LGR6: variants seen among roughly 807,000 people sequenced by gnomAD.
LGR6 encodes leucine-rich repeat-containing G protein-coupled receptor 6.
LGR6 carries 45 observed loss-of-function variants against 69.4 expected under a neutral mutation model. The observed-to-expected ratio is 0.65, with a 90% CI of 0.51 to 0.83. The LOEUF is 0.83. Among genes scored for constraint, LGR6 ranks in the 40% least tolerant of loss-of-function variants. The pLI, the probability that LGR6 is intolerant of heterozygous loss-of-function variation, is 0.00. For synonymous variants in LGR6, 538 were observed against 555.0 expected (o/e 0.97, Z 0.43); for missense variants, 1,108 against 1,246.7 (o/e 0.89, Z 1.68).
At chr1:202,197,018 T>A in intron 1 of LGR6, 3 of 532,986 alleles carry the variant, frequency 5.6e-6, no homozygotes, top group South Asian at 4.2e-5. Flanking sequence ...CACTTGGACA[T>A]GCAGGAAGTA....
intron 6 of LGR6, among the ~76,000 whole-genome samples, chr1:202,281,291 T>A (rs995422975): frequency 6.6e-6 from 1 of 152,168 alleles, no homozygotes; most frequent in African/African-American, 2.4e-5. Flanking sequence ...AGAGTAATAC[T>A]GCAGAGTAAT....
At chr1:202,271,229 G>A (rs115323685) in intron 4 of LGR6, among the ~76,000 whole-genome samples, 3,413 of 152,258 alleles carry the variant, frequency 0.022, 49 homozygotes, top group Non-Finnish European at 0.034. Flanking sequence ...CCCAAGTGGA[G>A]GATTCTGCTG....
At position 202,305,781 on chromosome 1, in the gene LGR6, C is replaced by T. The variant is rs181740112; in HGVS notation, c.1136+32C>T. The T allele has an allele frequency of 2.3e-5, 37 of 1,592,814 alleles. 1 individual carries two copies. The highest frequency in any genetic ancestry group is 1.7e-4 in the Middle Eastern group (1 of 6,008). On this transcript the variant is annotated intron_variant, in intron 12 of 17. Coordinates refer to ENST00000367278, the MANE Select transcript of LGR6 (RefSeq NM_001017403.2). Reference sequence around the variant, plus strand: ...CTGGGGTAGGGAAGAGGCAAAAGCACGCCAGCCAGACCCTGAGCAAGTCCT... The same window carrying T: ...CTGGGGTAGGGAAGAGGCAAAAGCATGCCAGCCAGACCCTGAGCAAGTCCT...
rs1317575576 is a variant in LGR6, at chr1:202,318,446, C to T, written c.2143C>T (p.Pro715Ser). 4 of 1,612,604 alleles carry T rather than the reference C, an allele frequency of 2.5e-6. No homozygotes were observed. The East Asian group carries it at 6.7e-5, about 27-fold the overall frequency. ...LASVGEYGAS[P>S]LCLPYAPPEG... is the part of the protein sequence containing the mutation. ...CTCAGTGGGAGAATACGGGGCCTCC[C>T]CACTCTGCCTGCCCTACGCGCCACC... Residue 715 changes from proline (P) to serine (S), a missense_variant, in exon 18 of 18, where the codon CCA (proline) becomes TCA (serine). Coordinates refer to ENST00000367278, the MANE Select transcript of LGR6 (RefSeq NM_001017403.2).
intron 4 of LGR6, among the ~76,000 whole-genome samples, chr1:202,272,375 C>A (rs1665177091): frequency 6.6e-6 from 1 of 152,192 alleles, no homozygotes; most frequent in Non-Finnish European, 1.5e-5. Flanking sequence ...CCGATTTCTT[C>A]CATGTGCTCA....
chr1:202,196,374 A>G (rs1467743125), intron 1 of LGR6, among the ~76,000 whole-genome samples: 1 of 152,190 alleles, frequency 6.6e-6, no homozygotes, highest in Non-Finnish European at 1.5e-5. Flanking sequence ...CAGAAGAGCC[A>G]GGGTGGGGAA....
chr1:202,240,595 CT>C (rs1180042779), intron 4 of LGR6, among the ~76,000 whole-genome samples: 1 of 151,932 alleles, frequency 6.6e-6, no homozygotes, highest in Non-Finnish European at 1.5e-5. Context: ...GAGGGGAGGT[CT>C]GTAATCCATC....
At chr1:202,202,476 G>C (rs552631821) in intron 1 of LGR6, among the ~76,000 whole-genome samples, 1 of 152,322 alleles carries the variant, frequency 6.6e-6, no homozygotes, top group East Asian at 1.9e-4. Flanking sequence ...AGAAGAAAGA[G>C]TGCATGTTTG....
chr1:202,239,936 A>G (rs1006030241), intron 4 of LGR6, among the ~76,000 whole-genome samples: 1 of 152,354 alleles, frequency 6.6e-6, no homozygotes, highest in South Asian at 2.1e-4. Flanking sequence ...TTTTGTTGCT[A>G]CTTCTACAAT....
At chr1:202,221,819 G>A (rs994752644) in intron 1 of LGR6, among the ~76,000 whole-genome samples, 29 of 152,318 alleles carry the variant, frequency 1.9e-4, no homozygotes, top group African/African-American at 7.0e-4. Flanking sequence ...AGCACCCAAG[G>A]ATCAAGGTGT....
chr1:202,276,673 A>C, intron 5 of LGR6, 152 bp downstream of exon 5: 1 of 652,876 alleles, frequency 1.5e-6, no homozygotes, highest in Non-Finnish European at 2.6e-6. Flanking sequence ...CATGAGGATG[A>C]CCATTCCCTG....
rs943678959 is a variant in LGR6 at position 202,259,349 on chromosome 1, T to C, written c.429-16957T>C. ...ATAGAGCATGAAAATTATTTTTTAC[T>C]TGAAAGTTTGGAAAAATTTACTGAC... On this transcript the variant is annotated intron_variant, in intron 4 of 17. Transcript: ENST00000367278. Among the ~76,000 whole-genome samples the C allele has an allele frequency of 2.0e-5, 3 of 152,210 alleles. No homozygotes were observed. The East Asian group carries it at 5.8e-4, about 29-fold the overall frequency.
At chr1:202,304,394 G>A (rs981699007) in intron 10 of LGR6, among the ~76,000 whole-genome samples, 165 bp from the exon 11 acceptor site, 6 of 151,912 alleles carry the variant, frequency 3.9e-5, no homozygotes, top group African/African-American at 1.2e-4. Flanking sequence ...GTGTCTGCTC[G>A]TTTTTGTCCC....
chr1:202,270,080 T>C (rs1437111175), intron 4 of LGR6, among the ~76,000 whole-genome samples: 2 of 152,212 alleles, frequency 1.3e-5, no homozygotes, highest in African/African-American at 4.8e-5. Flanking sequence ...TAGTCCTCTG[T>C]GGGCTGTAAG....
chr1:202,211,408 C>A (rs987683423), intron 1 of LGR6, among the ~76,000 whole-genome samples: 1 of 152,216 alleles, frequency 6.6e-6, no homozygotes, highest in African/African-American at 2.4e-5. Context: ...GGCTGGAGTG[C>A]AGTGGTGTGA....
At chr1:202,211,312 C>T (rs1326874157) in intron 1 of LGR6, among the ~76,000 whole-genome samples, 1 of 152,164 alleles carries the variant, frequency 6.6e-6, no homozygotes, top group Admixed American at 6.5e-5. Context: ...GCCATGGGAA[C>T]CTAGAGGGGA....
chr1:202,239,342 GTGGTGT>G (rs1185541278), intron 4 of LGR6, among the ~76,000 whole-genome samples: 5 of 106,508 alleles, frequency 4.7e-5, no homozygotes, highest in East Asian at 2.6e-4. Context: ...TTGTGTGTGT[GTGGTGT>G]GTGTGTGTGT....
chr1:202,259,057 A>G (rs900186263), intron 4 of LGR6, among the ~76,000 whole-genome samples: 7 of 152,130 alleles, frequency 4.6e-5, no homozygotes, highest in African/African-American at 1.2e-4. Flanking sequence ...TATATATACT[A>G]AACCCATTAT....
At chr1:202,205,460 CCAAA>C (rs1659161260) in intron 1 of LGR6, among the ~76,000 whole-genome samples, 1 of 27,218 alleles carries the variant, frequency 3.7e-5, no homozygotes, top group African/African-American at 9.0e-5. Flanking sequence ...ACACACACCT[CCAAA>C]CACACACACA....
Sources: allele counts gnomAD v4.1 joint callset (sites outside exome capture counted in the v4.1 genomes callset), GRCh38; gene constraint gnomAD v4.1.1; transcripts MANE v1.5; gene names NCBI Gene and HGNC (gene_info 2026-07-23, HGNC 2026-07-21).